The following ARHGEF4 variants were observed in gnomAD, a reference collection of about 807,000 sequenced individuals.
The protein encoded by ARHGEF4 is Rho guanine nucleotide exchange factor 4, also known as APC-stimulated guanine nucleotide exchange factor 1.
A neutral mutation model predicts 162.0 loss-of-function variants in ARHGEF4; 119 were observed. The ratio of observed to expected loss-of-function variants is 0.73; its 90% CI spans 0.63 to 0.86. ARHGEF4 has a LOEUF of 0.86. Ranked by LOEUF, ARHGEF4 falls within the 40% of genes least tolerant of loss-of-function variation. The pLI is 0.00. For synonymous variants in ARHGEF4, 1,014 were observed against 979.9 expected, an observed-to-expected ratio of 1.03 and a Z score of -0.65; for missense variants, 2,488 against 2,456.0, an observed-to-expected ratio of 1.01 and a Z score of -0.28.
At position 131,039,047 on chromosome 2, in the gene ARHGEF4, C is replaced by T. The variant is rs1558889710; in HGVS notation, c.4305+15C>T. The stretch of plus-strand genomic sequence containing the variant: ...GCTTCGTTCGGGTATGGTTCCAAGC[C>T]CCAGCTTCTCCCAAGTTGGGCCCAT... On this transcript the variant is annotated intron_variant, in intron 6 of 13. Coordinates refer to ENST00000409359, the MANE Select transcript of ARHGEF4 (RefSeq NM_001367493.1). 16 of 1,592,662 alleles carry T rather than the reference C, an allele frequency of 1.0e-5. No individual in the cohort carries two copies. Among genetic ancestry groups the T allele is most frequent in the African/African-American group, 1.3e-5 (1 of 74,374 alleles).
chr2:130,896,907 A>G (rs1680189330), intron 1 of ARHGEF4, among the ~76,000 whole-genome samples: 1 of 152,124 alleles, frequency 6.6e-6, no homozygotes, highest in Non-Finnish European at 1.5e-5. Flanking sequence ...AGTGAGCATC[A>G]TCATCCAGGG....
At chr2:130,842,533 G>A (rs577374062) in intron 1 of ARHGEF4, among the ~76,000 whole-genome samples, 7 of 152,282 alleles carry the variant, frequency 4.6e-5, no homozygotes, top group East Asian at 3.9e-4. Flanking sequence ...AAGCGCACCC[G>A]GCAGTCCTTG....
intron 2 of ARHGEF4, among the ~76,000 whole-genome samples, chr2:130,918,901 T>C (rs1681698073): frequency 1.3e-5 from 2 of 152,092 alleles, no homozygotes; most frequent in African/African-American, 4.8e-5. Context: ...ACAATACAGA[T>C]GTAGAAAGGA....
intron 4 of ARHGEF4, among the ~76,000 whole-genome samples, chr2:130,990,832 C>T (rs1272033224): frequency 1.3e-5 from 2 of 151,868 alleles, no homozygotes; most frequent in African/African-American, 2.4e-5. Flanking sequence ...TTAATTCTTA[C>T]TATCTTTGAA....
At chr2:131,016,176 C>T (rs1437502410) in intron 4 of ARHGEF4, among the ~76,000 whole-genome samples, 1 of 152,154 alleles carries the variant, frequency 6.6e-6, no homozygotes, top group Non-Finnish European at 1.5e-5. Context: ...CTGACACCTC[C>T]CAACGTGCCC....
chr2:130,966,266 T>C (rs896675884), intron 4 of ARHGEF4, among the ~76,000 whole-genome samples: 2 of 152,228 alleles, frequency 1.3e-5, no homozygotes, highest in African/African-American at 4.8e-5. Context: ...TTAGAGCCAG[T>C]TGAATCTGTG....
chr2:130,908,402 C>T (rs9679307), intron 1 of ARHGEF4, among the ~76,000 whole-genome samples: 262 of 152,216 alleles, frequency 1.7e-3, no homozygotes, highest in African/African-American at 6.1e-3. Context: ...TCTGGCCAGG[C>T]GTGGTGGCTC....
intron 1 of ARHGEF4, among the ~76,000 whole-genome samples, chr2:130,906,796 G>A (rs930254460): frequency 6.6e-6 from 1 of 152,190 alleles, no homozygotes; most frequent in African/African-American, 2.4e-5. Context: ...CTGTCAGCAT[G>A]GCTATATCAT....
chr2:130,878,255 A>G (rs1678985470), intron 1 of ARHGEF4, among the ~76,000 whole-genome samples: 1 of 152,222 alleles, frequency 6.6e-6, no homozygotes, highest in Admixed American at 6.5e-5. Flanking sequence ...CTGTACAAAA[A>G]TAGATCATGG....
intron 4 of ARHGEF4, among the ~76,000 whole-genome samples, chr2:130,974,652 G>A (rs541302446): frequency 1.8e-4 from 27 of 150,648 alleles, no homozygotes; most frequent in African/African-American, 6.1e-4. Flanking sequence ...TGTAGAGACA[G>A]GGTTTCGCTA....
intron 4 of ARHGEF4, among the ~76,000 whole-genome samples, chr2:130,964,489 G>T (rs1022530779): frequency 1.3e-5 from 2 of 152,196 alleles, no homozygotes; most frequent in African/African-American, 4.8e-5. Flanking sequence ...ACCTGTTACA[G>T]CCGGGACCTT....
intron 1 of ARHGEF4, among the ~76,000 whole-genome samples, chr2:130,910,608 T>C (rs560232351): frequency 6.6e-6 from 1 of 152,274 alleles, no homozygotes; most frequent in African/African-American, 2.4e-5. Context: ...TAGTAAGACT[T>C]CCGAGGATTT....
At chr2:130,875,513 G>A (rs1014800073) in intron 1 of ARHGEF4, among the ~76,000 whole-genome samples, 2 of 152,206 alleles carry the variant, frequency 1.3e-5, no homozygotes, top group Non-Finnish European at 2.9e-5. Flanking sequence ...GGAAGGGAAA[G>A]CAGGCAATTG....
Position 130,905,776 on chromosome 2 carries a change from T to C in ARHGEF4, c.40-8210T>C, listed in dbSNP as rs556657854. On this transcript the variant is annotated intron_variant, in intron 1 of 13. Transcript: ENST00000409359. Reference sequence around the variant, plus strand: ...TTTTTATCACTAGTTATTTTATTAATCTCTTACTGTACCTAATTTATAAAT... The same window carrying C: ...TTTTTATCACTAGTTATTTTATTAACCTCTTACTGTACCTAATTTATAAAT... 1.2e-3 allele frequency among the ~76,000 whole-genome samples: 183 copies of C among 152,306 alleles called. 3 individuals are homozygous for C. The highest frequency in any genetic ancestry group is 4.0e-3 in the African/African-American group (167 of 41,564).
chr2:130,837,824 A>AG (rs2104841447), intron 1 of ARHGEF4: 1 of 63,418 alleles, frequency 1.6e-5, no homozygotes, highest in Admixed American at 2.8e-4. Flanking sequence ...CTGCAGGTCC[A>AG]GGGGGAGGCA....
intron 2 of ARHGEF4, among the ~76,000 whole-genome samples, chr2:130,920,860 C>T (rs1343661): frequency 0.075 from 11,379 of 152,246 alleles, 487 homozygotes; most frequent in Non-Finnish European, 0.099. Flanking sequence ...TTACATCCTG[C>T]AGTTTCTTTA....
intron 3 of ARHGEF4, among the ~76,000 whole-genome samples, chr2:130,943,490 C>T (rs1683426659): frequency 6.6e-6 from 1 of 152,048 alleles, no homozygotes; most frequent in Non-Finnish European, 1.5e-5. Flanking sequence ...TGTTATCATT[C>T]ATTTTCTGTT....
rs976115420 is a variant in ARHGEF4 at position 131,046,132 on chromosome 2, G to A, written c.5574G>A (p.Arg1858=). Residue 1858 remains arginine (R), a synonymous_variant, in exon 14 of 14, where the codon AGG becomes AGA. Transcript: ENST00000409359. ...QQQVLVLAEP[R]RKPSTFWHSI... ...AGGTCCTGGTGCTGGCGGAGCCCAGGCGCAAGCCATCTACCTTCTGGCACA... is the reference window on the plus strand; with the variant it reads ...AGGTCCTGGTGCTGGCGGAGCCCAGACGCAAGCCATCTACCTTCTGGCACA... 1.2e-6 allele frequency: 2 copies of A among 1,612,878 alleles called. No individual in the cohort carries two copies. The highest frequency in any genetic ancestry group is 1.7e-6 in the Non-Finnish European group (2 of 1,179,912).
chr2:131,015,229 G>T lies in ARHGEF4; in HGVS notation c.3986-12716G>T, dbSNP rs1688701565. On this transcript the variant is annotated intron_variant, in intron 4 of 13. Transcript: ENST00000409359. ...TGCAGCAGAGCGCATTCCCACTTGG[G>T]ACTGTAGATGGCTCAGGGTTTCTGT... Among the ~76,000 whole-genome samples the T allele has an allele frequency of 2.0e-5, 3 of 152,242 alleles. No individual in the cohort carries two copies. In the South Asian group the frequency reaches 6.2e-4, roughly 32 times the overall value.
Sources: gnomAD v4.1 joint callset for allele counts (sites outside exome capture counted in the v4.1 genomes callset) on GRCh38, gnomAD v4.1.1 for gene constraint, MANE v1.5 for transcripts, NCBI Gene and HGNC (gene_info 2026-07-23, HGNC 2026-07-21) for gene names.